The following PMS1 variants were observed in gnomAD, a reference collection of about 807,000 sequenced individuals.
PMS1 encodes PMS1 homolog 1, mismatch repair system component.
PMS1 carries 79 observed loss-of-function variants against 93.1 expected under a neutral mutation model. The ratio of observed to expected loss-of-function variants is 0.85; its 90% CI spans 0.71 to 1.02. The LOEUF is 1.02. Among genes scored for constraint, PMS1 ranks in the 50% least tolerant of loss-of-function variants. PMS1 has a pLI of 0.00. For missense variants in PMS1, 1,064 were observed against 1,085.3 expected (o/e 0.98, Z 0.28); for synonymous variants, 335 against 363.4 (o/e 0.92, Z 0.89).
intron 4 of PMS1, among the ~76,000 whole-genome samples, chr2:189,808,888 A>T (rs1255992828): frequency 6.6e-6 from 1 of 152,216 alleles, no homozygotes; most frequent in Non-Finnish European, 1.5e-5. Context: ...TAATAGCTTT[A>T]GTCCTATCAT....
intron 5 of PMS1, among the ~76,000 whole-genome samples, chr2:189,819,540 T>G (rs1013083417): frequency 6.6e-6 from 1 of 152,172 alleles, no homozygotes; most frequent in Non-Finnish European, 1.5e-5. Flanking sequence ...CTCACCAACA[T>G]CTGTTATTTT....
At chr2:189,877,108 A>G (rs2057639890) in intron 12 of PMS1, among the ~76,000 whole-genome samples, 164 bp from the exon 13 acceptor site, 1 of 152,216 alleles carries the variant, frequency 6.6e-6, no homozygotes, top group South Asian at 2.1e-4. Flanking sequence ...TTGGTTCACC[A>G]CTACATCCCG....
chr2:189,799,395 C>G (rs1281917173), intron 3 of PMS1, among the ~76,000 whole-genome samples: 3 of 152,146 alleles, frequency 2.0e-5, no homozygotes, highest in Non-Finnish European at 2.9e-5. Context: ...TACTCCTGAT[C>G]AAGATTTAGA....
rs140177362 is a variant in PMS1 at position 189,789,216 on chromosome 2, T to C, written c.-20-2574T>C. Among the ~76,000 whole-genome samples the C allele has an allele frequency of 1.3e-3, 198 of 152,334 alleles. 2 individuals are homozygous for C. The highest frequency in any genetic ancestry group is 4.6e-3 in the African/African-American group (190 of 41,586). On this transcript the variant is annotated intron_variant, in intron 1 of 12. Coordinates refer to ENST00000441310, the MANE Select transcript of PMS1 (RefSeq NM_000534.5). ...TCTACATTTTATAAGGCCTTATCAT[T>C]TGTAGAACAACACTTTATATATTCT...
At chr2:189,823,208 G>GGTTTTTTTGTTTT (rs1195475322) in intron 5 of PMS1, among the ~76,000 whole-genome samples, 2 of 151,022 alleles carry the variant, frequency 1.3e-5, no homozygotes, top group Non-Finnish European at 3.0e-5. Flanking sequence ...CACAGATTTG[G>GGTTTTTTTGTTTT]GTTTTTTTGT....
intron 4 of PMS1, among the ~76,000 whole-genome samples, chr2:189,814,689 C>G (rs971940428): frequency 6.6e-6 from 1 of 151,884 alleles, no homozygotes; most frequent in South Asian, 2.1e-4. Flanking sequence ...TTCTAAGAGG[C>G]GAGGCAGACA....
intron 9 of PMS1, among the ~76,000 whole-genome samples, chr2:189,856,584 A>G (rs559539601): frequency 6.6e-6 from 1 of 152,260 alleles, no homozygotes; most frequent in Non-Finnish European, 1.5e-5. Flanking sequence ...AAATGACACA[A>G]CTATGCAGTT....
intron 12 of PMS1, among the ~76,000 whole-genome samples, chr2:189,874,790 CG>C (rs968671330): frequency 3.8e-4 from 58 of 152,036 alleles, no homozygotes; most frequent in African/African-American, 1.3e-3. Flanking sequence ...GCCTATTGTG[CG>C]GGTAGCTTAA....
At chr2:189,867,614 G>A (rs2056775782) in intron 10 of PMS1, among the ~76,000 whole-genome samples, 185 bp from the exon 11 acceptor site, 1 of 152,160 alleles carries the variant, frequency 6.6e-6, no homozygotes, top group Non-Finnish European at 1.5e-5. Flanking sequence ...TATACTGTGT[G>A]CAGTAGGTAT....
chr2:189,852,884 G>A (rs2106451843), intron 7 of PMS1, 107 bp downstream of exon 7: 1 of 749,084 alleles, frequency 1.3e-6, no homozygotes, highest in Non-Finnish European at 2.3e-6. Context: ...GAAATACAAT[G>A]TCATTTATTA....
intron 4 of PMS1, among the ~76,000 whole-genome samples, chr2:189,814,880 G>A (rs1330071593): frequency 2.6e-5 from 4 of 152,160 alleles, no homozygotes; most frequent in African/African-American, 2.4e-5. Flanking sequence ...GGCAGATCAC[G>A]AGGTCAGGAG....
At chr2:189,837,149 G>C (rs893158579) in intron 5 of PMS1, among the ~76,000 whole-genome samples, 3 of 150,504 alleles carry the variant, frequency 2.0e-5, no homozygotes, top group African/African-American at 7.3e-5. Context: ...TACACTTTTT[G>C]TGAATAAGTT....
At chr2:189,800,907 C>A (rs1316052538) in intron 3 of PMS1, among the ~76,000 whole-genome samples, 1 of 152,150 alleles carries the variant, frequency 6.6e-6, no homozygotes, top group African/African-American at 2.4e-5. Context: ...ACATCTAATT[C>A]TTTGTTCTTT....
chr2:189,814,289 A>G (rs1213510835), intron 4 of PMS1, among the ~76,000 whole-genome samples: 1 of 151,974 alleles, frequency 6.6e-6, no homozygotes, highest in African/African-American at 2.4e-5. Context: ...GAAATGCTCT[A>G]TATAAAAATA....
intron 4 of PMS1, among the ~76,000 whole-genome samples, chr2:189,813,696 A>G (rs1264655896): frequency 6.6e-6 from 1 of 152,246 alleles, no homozygotes; most frequent in African/African-American, 2.4e-5. Context: ...GATTGCTGTC[A>G]TATGCAAAGC....
At chr2:189,852,485 A>G (rs961682161) in intron 6 of PMS1, among the ~76,000 whole-genome samples, 170 bp from the exon 7 acceptor site, 2 of 152,216 alleles carry the variant, frequency 1.3e-5, no homozygotes, top group Non-Finnish European at 2.9e-5. Flanking sequence ...ATGCTTTACT[A>G]TTTTATTTAA....
chr2:189,828,080 C>G (rs953366412), intron 5 of PMS1, among the ~76,000 whole-genome samples: 1 of 149,260 alleles, frequency 6.7e-6, no homozygotes, highest in Non-Finnish European at 1.5e-5. Context: ...CCTACCACCA[C>G]GCCCGGCTAA....
At chr2:189,787,016 G>A (rs1297098185) in intron 1 of PMS1, among the ~76,000 whole-genome samples, 3 of 152,168 alleles carry the variant, frequency 2.0e-5, no homozygotes, top group Non-Finnish European at 2.9e-5. Context: ...TTGTGCCATT[G>A]CATTTCAGCC....
At chr2:189,838,036 G>T (rs1180861751) in intron 5 of PMS1, among the ~76,000 whole-genome samples, 4 of 152,168 alleles carry the variant, frequency 2.6e-5, no homozygotes, top group Non-Finnish European at 5.9e-5. Flanking sequence ...ATGGATATAG[G>T]TTTTCTTTTT....
Sources: gnomAD v4.1 joint callset for allele counts (sites outside exome capture counted in the v4.1 genomes callset) on GRCh38, gnomAD v4.1.1 for gene constraint, MANE v1.5 for transcripts, NCBI Gene and HGNC (gene_info 2026-07-23, HGNC 2026-07-21) for gene names.